CTNND2: variants seen among roughly 807,000 people sequenced by gnomAD.
CTNND2 encodes the protein catenin delta 2.
A neutral mutation model predicts 144.4 loss-of-function variants in CTNND2; 22 were observed. The ratio of observed to expected loss-of-function variants is 0.15; its 90% CI spans 0.11 to 0.22. The LOEUF (loss-of-function observed/expected upper bound fraction) is 0.22. Among genes scored for constraint, CTNND2 ranks in the 10% least tolerant of loss-of-function variants. The probability of loss-of-function intolerance (pLI) is 1.00; values close to 1 mark genes in which losing one functional copy is unlikely to be tolerated. For synonymous variants in CTNND2, 751 were observed against 695.6 expected, an observed-to-expected ratio of 1.08 and a Z score of -1.25; for missense variants, 1,353 against 1,618.8, an observed-to-expected ratio of 0.84 and a Z score of 2.82.
intron 3 of CTNND2, among the ~76,000 whole-genome samples, chr5:11,549,279 A>G (rs542218961): frequency 8.5e-5 from 13 of 152,344 alleles, no homozygotes; most frequent in African/African-American, 2.6e-4. Flanking sequence ...CGTCTGTAAC[A>G]TTATATACGG....
intron 1 of CTNND2, among the ~76,000 whole-genome samples, chr5:11,752,880 T>C (rs1466508722): frequency 1.3e-5 from 2 of 151,856 alleles, no homozygotes; most frequent in Admixed American, 1.3e-4. Flanking sequence ...ATTCTCATTG[T>C]AGAGATCTTT....
At chr5:11,585,179 A>G (rs576989641) in intron 2 of CTNND2, among the ~76,000 whole-genome samples, 2 of 152,186 alleles carry the variant, frequency 1.3e-5, no homozygotes, top group South Asian at 2.1e-4. Context: ...TCTGTCTGAT[A>G]TCATATACCA....
intron 3 of CTNND2, among the ~76,000 whole-genome samples, chr5:11,470,082 G>A (rs752171572): frequency 6.6e-6 from 1 of 151,940 alleles, no homozygotes; most frequent in African/African-American, 2.4e-5. Flanking sequence ...CTCCACTCTC[G>A]CCCCCTCCTT....
intron 1 of CTNND2, among the ~76,000 whole-genome samples, chr5:11,767,599 T>A (rs761367150): frequency 6.6e-6 from 1 of 152,202 alleles, no homozygotes; most frequent in African/African-American, 2.4e-5. Flanking sequence ...ACCTCCAATA[T>A]AATGCTCAAT....
chr5:11,480,646 A>ATGTGTGTGTG lies in CTNND2; in HGVS notation c.288-68587_288-68578dup, dbSNP rs58951106. Among the ~76,000 whole-genome samples, 939 of 149,114 alleles carry ATGTGTGTGTG rather than the reference A, an allele frequency of 6.3e-3. 6 individuals are homozygous for ATGTGTGTGTG. The highest frequency in any genetic ancestry group is 0.015 in the South Asian group (69 of 4,726). ...TGTTCTATGATTTGAAAATACATATATGTGTGTGTGTGTGTGTGTGTGTGT... is the reference window on the plus strand; with the variant it reads ...TGTTCTATGATTTGAAAATACATATATGTGTGTGTGTGTGTGTGTGTGTGTGTGTGTGTGT... On this transcript the variant is annotated intron_variant, in intron 3 of 21. Coordinates refer to ENST00000304623, the MANE Select transcript of CTNND2 (RefSeq NM_001332.4).
chr5:11,792,684 C>T (rs1367488823), intron 1 of CTNND2, among the ~76,000 whole-genome samples: 1 of 152,218 alleles, frequency 6.6e-6, no homozygotes, highest in Non-Finnish European at 1.5e-5. Context: ...CTTCTTGTCA[C>T]CTAGAATTTT....
At chr5:11,796,521 G>A (rs1382610387) in intron 1 of CTNND2, among the ~76,000 whole-genome samples, 1 of 152,124 alleles carries the variant, frequency 6.6e-6, no homozygotes, top group Non-Finnish European at 1.5e-5. Flanking sequence ...TTGTCCCTTT[G>A]TACCTATAAC....
intron 3 of CTNND2, among the ~76,000 whole-genome samples, chr5:11,488,024 A>G (rs1768999677): frequency 1.3e-5 from 2 of 152,156 alleles, no homozygotes; most frequent in African/African-American, 2.4e-5. Flanking sequence ...CTAGTTGTCC[A>G]CCCACACTCA....
chr5:11,248,330 A>G (rs1743214317), intron 9 of CTNND2, among the ~76,000 whole-genome samples: 1 of 150,302 alleles, frequency 6.7e-6, no homozygotes, highest in Non-Finnish European at 1.5e-5. Flanking sequence ...AAAATGTTTT[A>G]TTATACATAC....
At chr5:11,402,003 T>C (rs1327151946) in intron 5 of CTNND2, among the ~76,000 whole-genome samples, 5 of 152,198 alleles carry the variant, frequency 3.3e-5, no homozygotes, top group Non-Finnish European at 5.9e-5. Flanking sequence ...ATTTTGGTCT[T>C]GAAAACCTTA....
At chr5:11,774,455 A>G (rs1273209609) in intron 1 of CTNND2, among the ~76,000 whole-genome samples, 1 of 146,874 alleles carries the variant, frequency 6.8e-6, no homozygotes, top group African/African-American at 2.5e-5. Flanking sequence ...ATGCTAGATG[A>G]CGAGTTAGTG....
At chr5:11,402,890 C>A (rs949796829) in intron 5 of CTNND2, among the ~76,000 whole-genome samples, 1 of 152,126 alleles carries the variant, frequency 6.6e-6, no homozygotes, top group Non-Finnish European at 1.5e-5. Flanking sequence ...TATAGAAGTA[C>A]CCATTTAGTT....
chr5:11,740,772 A>G (rs929393748), intron 1 of CTNND2, among the ~76,000 whole-genome samples: 3 of 152,176 alleles, frequency 2.0e-5, no homozygotes, highest in Admixed American at 6.5e-5. Context: ...ACTGGGAGAA[A>G]ATTTTTGCAA....
intron 3 of CTNND2, among the ~76,000 whole-genome samples, chr5:11,553,701 TAAG>T (rs932924931): frequency 4.6e-5 from 7 of 152,158 alleles, no homozygotes; most frequent in Non-Finnish European, 7.4e-5. Flanking sequence ...GAAAAAGCTC[TAAG>T]AAGAAGAGAA....
intron 2 of CTNND2, among the ~76,000 whole-genome samples, chr5:11,600,792 T>A (rs889796192): frequency 1.3e-5 from 2 of 151,896 alleles, no homozygotes; most frequent in Non-Finnish European, 2.9e-5. Flanking sequence ...ACAACGATGT[T>A]AGTAAATTAG....
At chr5:11,213,173 G>C (rs1307338653) in intron 10 of CTNND2, among the ~76,000 whole-genome samples, 1 of 152,084 alleles carries the variant, frequency 6.6e-6, no homozygotes, top group East Asian at 1.9e-4. Flanking sequence ...CAATAGCTCT[G>C]TGTTCTGAGC....
At chr5:11,038,876 A>C (rs1744376944) in intron 16 of CTNND2, among the ~76,000 whole-genome samples, 1 of 152,176 alleles carries the variant, frequency 6.6e-6, no homozygotes, top group African/African-American at 2.4e-5. Flanking sequence ...ATATCAAATT[A>C]ATGATCACAA....
At chr5:11,616,198 G>A (rs1780571387) in intron 2 of CTNND2, among the ~76,000 whole-genome samples, 1 of 151,946 alleles carries the variant, frequency 6.6e-6, no homozygotes, top group Admixed American at 6.6e-5. Context: ...TCTCTCCTCT[G>A]GGCCATTTTC....
At chr5:11,734,666 A>G (rs1339937272) in intron 1 of CTNND2, among the ~76,000 whole-genome samples, 2 of 152,172 alleles carry the variant, frequency 1.3e-5, no homozygotes, top group South Asian at 2.1e-4. Flanking sequence ...ATATTAAAAG[A>G]TATTTTCTAT....
Sources: allele counts gnomAD v4.1 joint callset (sites outside exome capture counted in the v4.1 genomes callset), GRCh38; gene constraint gnomAD v4.1.1; transcripts MANE v1.5; gene names NCBI Gene and HGNC (gene_info 2026-07-23, HGNC 2026-07-21).